The following LRP12 variants were observed in gnomAD, a reference collection of about 807,000 sequenced individuals.
LRP12 encodes the protein LDL receptor related protein 12.
In LRP12, 14 loss-of-function variants were observed where a neutral mutation model predicts 66.0. The observed-to-expected ratio is 0.21, with a 90% CI of 0.14 to 0.33. The LOEUF is 0.33. Ranked by LOEUF, LRP12 falls within the 10% of genes least tolerant of loss-of-function variation. The pLI is 1.00. For missense variants in LRP12, 889 were observed against 1,053.4 expected (o/e 0.84, Z 2.16); for synonymous variants, 357 against 359.1 (o/e 0.99, Z 0.07).
intron 3 of LRP12, 116 bp downstream of exon 3, chr8:104,508,823 T>C (rs929800861): frequency 4.4e-6 from 4 of 901,192 alleles, no homozygotes; most frequent in Non-Finnish European, 6.6e-6. Flanking sequence ...AGCTGTTCTT[T>C]ATTACATCTC....
intron 1 of LRP12, among the ~76,000 whole-genome samples, chr8:104,534,249 T>G (rs1301486432): frequency 6.6e-6 from 1 of 152,020 alleles, no homozygotes; most frequent in African/African-American, 2.4e-5. Flanking sequence ...ACTTTAAAAT[T>G]ATGTATGTAT....
Position 104,489,520 on chromosome 8 carries a change from A to G in LRP12, c.*1153T>C, listed in dbSNP as rs1278225937. 6.6e-6 allele frequency: 1 copy of G among 152,448 alleles called. No individual in the cohort carries two copies. Among genetic ancestry groups the G allele is most frequent in the African/African-American group, 2.4e-5 (1 of 41,462 alleles). The allele number at this position is 152,448 out of a possible 1,614,324, so 9.4% of individuals were successfully genotyped here. A position where few individuals can be genotyped will look rare whatever the true frequency, so the allele number is the denominator to read the frequency against. The stretch of plus-strand genomic sequence containing the variant: ...TTGGGTTTTGCAATTCACACTACTT[A>G]AAAAGGGGGGATGATCTGAATGATT... On this transcript the variant is annotated 3_prime_UTR_variant, in exon 7 of 7. Transcript: ENST00000276654.
At chr8:104,498,170 A>G (rs1810768365) in intron 4 of LRP12, 94 bp from the exon 5 acceptor site, 1 of 1,237,288 alleles carries the variant, frequency 8.1e-7, no homozygotes, top group Non-Finnish European at 1.1e-6. Context: ...TTTATAATAA[A>G]TGTTCATAAA....
chr8:104,588,784 T>C (rs1812378389), intron 1 of LRP12, 35 bp downstream of exon 1: 1 of 1,603,236 alleles, frequency 6.2e-7, no homozygotes, highest in Non-Finnish European at 8.5e-7. Context: ...CTCAGCTTTG[T>C]TCGGTCAGCG....
chr8:104,500,499 A>AT (rs1810809932), intron 3 of LRP12, among the ~76,000 whole-genome samples: 1 of 152,140 alleles, frequency 6.6e-6, no homozygotes, highest in Admixed American at 6.5e-5. Context: ...CGAAGTCAGG[A>AT]GTTTGAGACC....
rs146849446 is a variant in LRP12, at chr8:104,497,251, T to C, written c.1301A>G (p.Asn434Ser). Residue 434 changes from asparagine to serine, a missense_variant, in exon 5 of 7, where the codon AAC (asparagine) becomes AGC (serine). Asn to Ser is a conservative substitution (Grantham distance 46, BLOSUM62 1). This residue lies in a region of LRP12 where 800 missense variants were observed against 964.5 expected (regional missense o/e 0.83). Coordinates refer to ENST00000276654, the MANE Select transcript of LRP12 (RefSeq NM_013437.5). The surrounding 1 kb of genome is among the most constrained non-coding windows in gnomAD (Gnocchi z 4.3). ...GCCATTTGGGCAATGATTCTGGTAG[T>C]TGCAGCGATCAGAACGAGGATAACA... ...GVCYPRSDRCNYQNHCPNGSD... is the reference protein window; with the variant it reads ...GVCYPRSDRCSYQNHCPNGSD... 6.2e-7 allele frequency: 1 copy of C among 1,613,998 alleles called. No homozygotes were observed. Among genetic ancestry groups the C allele is most frequent in the African/African-American group, 1.3e-5 (1 of 74,920 alleles).
Position 104,543,879 on chromosome 8 carries a change from G to A in LRP12, c.80-11916C>T, listed in dbSNP as rs1339666292. Among the ~76,000 whole-genome samples the A allele has an allele frequency of 3.9e-5, 6 of 151,954 alleles. No homozygotes were observed. In the South Asian group the frequency reaches 6.2e-4, roughly 16 times the overall value. ...GGAGGTTGCAGTGAGCCGAGATCTC[G>A]CCACTGCACACAAGCCTGGGCGACA... is the stretch of plus-strand genomic sequence containing the variant. On this transcript the variant is annotated intron_variant, in intron 1 of 6. Transcript: ENST00000276654.
At position 104,515,504 on chromosome 8, in the gene LRP12, C is replaced by T. The variant is rs975852061; in HGVS notation, c.137-6430G>A. Among the ~76,000 whole-genome samples the T allele has an allele frequency of 3.3e-5, 5 of 152,130 alleles. No homozygotes were observed. In the East Asian group the frequency reaches 7.7e-4, roughly 23 times the overall value. ...TGGTTACTTTTTTTGGCTAAAATTA[C>T]TGCTTGGTTTTTGTCTCTATTAAGC... On this transcript the variant is annotated intron_variant, in intron 2 of 6. Coordinates refer to ENST00000276654, the MANE Select transcript of LRP12 (RefSeq NM_013437.5).
intron 1 of LRP12, among the ~76,000 whole-genome samples, chr8:104,548,295 T>TATATAAA (rs1564142055): frequency 1.6e-5 from 1 of 60,908 alleles, no homozygotes; most frequent in Non-Finnish European, 2.5e-5. Context: ...TATCATATAT[T>TATATAAA]TATATAATAT....
intron 2 of LRP12, among the ~76,000 whole-genome samples, chr8:104,517,753 G>A (rs1257661483): frequency 3.3e-5 from 5 of 152,046 alleles, no homozygotes; most frequent in East Asian, 1.9e-4. Context: ...TATGGCTGAT[G>A]AGTACAAAAG....
chr8:104,543,609 AT>A (rs753028639), intron 1 of LRP12, among the ~76,000 whole-genome samples: 4 of 152,178 alleles, frequency 2.6e-5, no homozygotes, highest in African/African-American at 9.7e-5. Context: ...ACACTCACAC[AT>A]TTCTCACTTT....
intron 1 of LRP12, among the ~76,000 whole-genome samples, chr8:104,582,598 A>C (rs2140901852): frequency 6.6e-6 from 1 of 152,276 alleles, no homozygotes; most frequent in African/African-American, 2.4e-5. Context: ...CATTGTAAAA[A>C]GTTATGTTCT....
At chr8:104,502,013 G>C (rs1354362204) in intron 3 of LRP12, among the ~76,000 whole-genome samples, 1 of 152,108 alleles carries the variant, frequency 6.6e-6, no homozygotes, top group Non-Finnish European at 1.5e-5. Context: ...AGTAGAAAAT[G>C]AGATTCTTCT....
chr8:104,548,934 G>C (rs546212993), intron 1 of LRP12, among the ~76,000 whole-genome samples: 1 of 145,258 alleles, frequency 6.9e-6, no homozygotes, highest in Non-Finnish European at 1.5e-5. Context: ...GCAAAACTCC[G>C]TCAAAAATAA....
chr8:104,548,245 A>G (rs1811644137), intron 1 of LRP12, among the ~76,000 whole-genome samples: 1 of 99,292 alleles, frequency 1.0e-5, no homozygotes, highest in Non-Finnish European at 1.7e-5. Context: ...TTAATATACG[A>G]TATATATTAT....
In LRP12 at chr8:104,568,562, T is replaced by C. The variant is rs191129461; in HGVS notation, c.79+20257A>G. ...TTAATAACCACAATTTTTAAAGAAC[T>C]CTTACAACTCAACAACAAAGACAGA... On this transcript the variant is annotated intron_variant, in intron 1 of 6. Transcript: ENST00000276654. Among the ~76,000 whole-genome samples the C allele has an allele frequency of 4.1e-3, 621 of 152,182 alleles. 4 individuals are homozygous for C. The highest frequency in any genetic ancestry group is 7.5e-3 in the Non-Finnish European group (508 of 67,968).
chr8:104,546,132 G>A (rs1811552347), intron 1 of LRP12, among the ~76,000 whole-genome samples: 1 of 152,140 alleles, frequency 6.6e-6, no homozygotes, highest in South Asian at 2.1e-4. Context: ...AGAGGGGACA[G>A]TAAGAGACTA....
In LRP12 at chr8:104,548,160, T is replaced by TA. The variant is rs1465502576; in HGVS notation, c.80-16198_80-16197insT. 3.4e-3 allele frequency among the ~76,000 whole-genome samples: 195 copies of TA among 57,282 alleles called. 1 individual carries two copies. The highest frequency in any genetic ancestry group is 0.016 in the African/African-American group (187 of 11,660). The allele number at this position is 57,282 out of a possible 152,430, so 37.6% of individuals were successfully genotyped here. ...TTATAATTATATTATATATTAATAA[T>TA]TATTATATATAATATAATATATAAT... On this transcript the variant is annotated intron_variant, in intron 1 of 6. Coordinates refer to ENST00000276654, the MANE Select transcript of LRP12 (RefSeq NM_013437.5).
chr8:104,500,096 A>G (rs1810802347), intron 3 of LRP12, among the ~76,000 whole-genome samples: 1 of 152,238 alleles, frequency 6.6e-6, no homozygotes, highest in South Asian at 2.1e-4. Flanking sequence ...TTTATAGCCA[A>G]ATACTATCTT....
Sources: allele counts gnomAD v4.1 joint callset (sites outside exome capture counted in the v4.1 genomes callset), GRCh38; gene constraint gnomAD v4.1.1; regional missense constraint gnomAD v4.1.1; non-coding constraint Gnocchi (gnomAD v3.1); transcripts MANE v1.5; gene names NCBI Gene and HGNC (gene_info 2026-07-23, HGNC 2026-07-21).